SDC2: variants seen among roughly 807,000 people sequenced by gnomAD.
The protein encoded by SDC2 is syndecan-2.
In SDC2, 13 loss-of-function variants were observed where a neutral mutation model predicts 22.2. The observed-to-expected ratio is 0.59, with a 90% CI of 0.38 to 0.93. The LOEUF is 0.93. Among genes scored for constraint, SDC2 ranks in the 40% least tolerant of loss-of-function variants. The pLI is 0.00. For synonymous variants in SDC2, 94 were observed against 92.8 expected, an observed-to-expected ratio of 1.01 and a Z score of -0.07; for missense variants, 235 against 246.8, an observed-to-expected ratio of 0.95 and a Z score of 0.32.
At chr8:96,608,491 C>T (rs1378219240) in intron 4 of SDC2, 21 bp downstream of exon 4, 2 of 1,603,498 alleles carry the variant, frequency 1.2e-6, no homozygotes, top group South Asian at 1.1e-5. Context: ...TGGTGGGCCT[C>T]AGGTGGGAGG....
At chr8:96,583,329 A>G (rs1814623199) in intron 1 of SDC2, among the ~76,000 whole-genome samples, 2 of 147,154 alleles carry the variant, frequency 1.4e-5, no homozygotes, top group Non-Finnish European at 3.0e-5. Flanking sequence ...TATATATATT[A>G]TATATCACAT....
intron 1 of SDC2, among the ~76,000 whole-genome samples, chr8:96,561,617 C>T (rs1814212152): frequency 6.6e-6 from 1 of 152,200 alleles, no homozygotes; most frequent in South Asian, 2.1e-4. Context: ...TACAGCATCC[C>T]TCAGTCCATG....
In SDC2 at chr8:96,583,723, A is replaced by G. The variant is rs537478174; in HGVS notation, c.61-9757A>G. 4.6e-3 allele frequency among the ~76,000 whole-genome samples: 685 copies of G among 148,240 alleles called. 2 individuals carry two copies. The highest frequency in any genetic ancestry group is 0.011 in the East Asian group (54 of 5,094). ...TGTGTGTGTGTGTGTGTGTGTATAT[A>G]TATATATGAGAAATTGCAATATAGT... On this transcript the variant is annotated intron_variant, in intron 1 of 4. Coordinates refer to ENST00000302190, the MANE Select transcript of SDC2 (RefSeq NM_002998.4).
chr8:96,571,435 A>G (rs1378597450), intron 1 of SDC2, among the ~76,000 whole-genome samples: 1 of 152,250 alleles, frequency 6.6e-6, no homozygotes, highest in African/African-American at 2.4e-5. Context: ...ACTGCTCTGC[A>G]TAAAACTTGA....
chr8:96,608,950 C>T (rs543922704), intron 4 of SDC2, among the ~76,000 whole-genome samples: 52 of 152,230 alleles, frequency 3.4e-4, no homozygotes, highest in African/African-American at 1.2e-3. Flanking sequence ...GATTTAGGCA[C>T]ACTTGGTAGT....
intron 1 of SDC2, among the ~76,000 whole-genome samples, chr8:96,539,223 G>T (rs1295961815): frequency 2.0e-5 from 3 of 152,192 alleles, no homozygotes; most frequent in Admixed American, 2.0e-4. Context: ...TGAATTGTCA[G>T]ATTCTACAGA....
chr8:96,509,436 A>AT lies in SDC2; in HGVS notation c.60+15112dup, dbSNP rs1461271356. On this transcript the variant is annotated intron_variant, in intron 1 of 4. Transcript: ENST00000302190. Reference sequence around the variant, plus strand: ...CTGACCAGATCAGGAGGACAGACCGATTTTTTTCCTCTTCTTTTTGTGGCT... The same window carrying AT: ...CTGACCAGATCAGGAGGACAGACCGATTTTTTTTCCTCTTCTTTTTGTGGCT... Among the ~76,000 whole-genome samples the AT allele has an allele frequency of 3.5e-5, 5 of 141,572 alleles. 1 individual carries two copies. Among genetic ancestry groups the AT allele is most frequent in the Admixed American group, 7.0e-5 (1 of 14,300 alleles). 92.9% of individuals were successfully genotyped at this position (141,572 alleles called of 152,430 possible). A position where few individuals can be genotyped will look rare whatever the true frequency, so the allele number is the denominator to read the frequency against.
At chr8:96,547,979 C>T (rs550386554) in intron 1 of SDC2, among the ~76,000 whole-genome samples, 1 of 152,120 alleles carries the variant, frequency 6.6e-6, no homozygotes, top group Non-Finnish European at 1.5e-5. Flanking sequence ...CCAGGCTGGT[C>T]TCAAACTCCT....
chr8:96,525,248 C>G (rs1813559468), intron 1 of SDC2, among the ~76,000 whole-genome samples: 1 of 152,188 alleles, frequency 6.6e-6, no homozygotes, highest in Non-Finnish European at 1.5e-5. Flanking sequence ...CTGTCTTGAT[C>G]CTGGCTGTCC....
chr8:96,582,235 C>A (rs1330357713), intron 1 of SDC2, among the ~76,000 whole-genome samples: 5 of 151,510 alleles, frequency 3.3e-5, no homozygotes, highest in African/African-American at 1.2e-4. Context: ...TGGCCAGGAA[C>A]AGTTCCTTTA....
intron 1 of SDC2, among the ~76,000 whole-genome samples, chr8:96,530,901 G>C (rs1446717075): frequency 6.6e-6 from 1 of 152,108 alleles, no homozygotes; most frequent in Admixed American, 6.5e-5. Context: ...TGGACCTCAG[G>C]GTCATCTAAT....
At chr8:96,517,793 GTGTGTGTGTA>G (rs1191806799) in intron 1 of SDC2, among the ~76,000 whole-genome samples, 33 of 135,446 alleles carry the variant, frequency 2.4e-4, no homozygotes, top group African/African-American at 6.1e-4. Flanking sequence ...GTGTGTGTGT[GTGTGTGTGTA>G]TATATATATG....
At chr8:96,513,364 C>T (rs1260737809) in intron 1 of SDC2, among the ~76,000 whole-genome samples, 2 of 152,200 alleles carry the variant, frequency 1.3e-5, no homozygotes, top group Non-Finnish European at 2.9e-5. Flanking sequence ...GGATGTGCCT[C>T]CTGGCGTTTG....
At position 96,608,378 on chromosome 8, in the gene SDC2, C is replaced by T. The variant is rs762215706; in HGVS notation, c.350C>T (p.Ser117Leu). The stretch of plus-strand genomic sequence containing the variant: ...AAAGAGAAAGTTCACCTCTCTGACT[C>T]AGAAAGGAAAATGGACCCAGCCGAA... ...TDKEKVHLSD[S>L]ERKMDPAEED... Residue 117 changes from serine to leucine, a missense_variant, in exon 4 of 5, where the codon TCA becomes TTA. Physicochemically the swap from Ser to Leu is moderately radical, Grantham distance 145 (BLOSUM62 -2). Coordinates refer to ENST00000302190, the MANE Select transcript of SDC2 (RefSeq NM_002998.4). 6 of 1,613,858 alleles carry T rather than the reference C, an allele frequency of 3.7e-6. No homozygotes were observed. The South Asian group carries it at 6.6e-5, about 18-fold the overall frequency.
At chr8:96,591,731 T>C (rs1814784612) in intron 1 of SDC2, among the ~76,000 whole-genome samples, 1 of 152,000 alleles carries the variant, frequency 6.6e-6, no homozygotes, top group Non-Finnish European at 1.5e-5. Flanking sequence ...CAGGAGGTCC[T>C]CCAGGGGAAG....
chr8:96,582,641 A>C (rs925408827), intron 1 of SDC2, among the ~76,000 whole-genome samples: 2 of 152,190 alleles, frequency 1.3e-5, no homozygotes, highest in East Asian at 1.9e-4. Flanking sequence ...TAATCAGCAG[A>C]AGGAGAGGCT....
intron 1 of SDC2, among the ~76,000 whole-genome samples, chr8:96,520,666 G>A (rs551414164): frequency 1.2e-3 from 183 of 152,286 alleles, no homozygotes; most frequent in African/African-American, 4.1e-3. Context: ...GCAATGTGCC[G>A]AAAACATAAG....
At chr8:96,563,647 C>T (rs1422650265) in intron 1 of SDC2, among the ~76,000 whole-genome samples, 1 of 152,194 alleles carries the variant, frequency 6.6e-6, no homozygotes, top group Non-Finnish European at 1.5e-5. Context: ...GCCCCAGGGA[C>T]TGCACCTTGA....
chr8:96,560,448 T>C (rs950142576), intron 1 of SDC2, among the ~76,000 whole-genome samples: 2 of 152,228 alleles, frequency 1.3e-5, no homozygotes, highest in African/African-American at 4.8e-5. Context: ...ACCAAAGATA[T>C]GTAACTGAAT....
Sources: allele counts gnomAD v4.1 joint callset (sites outside exome capture counted in the v4.1 genomes callset), GRCh38; gene constraint gnomAD v4.1.1; transcripts MANE v1.5; gene names NCBI Gene and HGNC (gene_info 2026-07-23, HGNC 2026-07-21).